The following LHCGR variants were observed in gnomAD, a reference collection of about 807,000 sequenced individuals.
LHCGR encodes the protein lutropin-choriogonadotropic hormone receptor.
A neutral mutation model predicts 60.7 loss-of-function variants in LHCGR; 55 were observed. The ratio of observed to expected loss-of-function variants is 0.91; its 90% CI spans 0.73 to 1.13. The LOEUF (loss-of-function observed/expected upper bound fraction) is 1.13. Among genes scored for constraint, LHCGR ranks in the 50% most tolerant of loss-of-function variants. The pLI, the probability that LHCGR is intolerant of heterozygous loss-of-function variation, is 0.00. For synonymous variants in LHCGR, 337 were observed against 316.5 expected, an observed-to-expected ratio of 1.06 and a Z score of -0.69; for missense variants, 862 against 836.0, an observed-to-expected ratio of 1.03 and a Z score of -0.38.
intron 1 of LHCGR, among the ~76,000 whole-genome samples, chr2:48,743,122 A>G (rs1331027169): frequency 6.6e-6 from 1 of 152,240 alleles, no homozygotes; most frequent in Non-Finnish European, 1.5e-5. Context: ...TGACACATAC[A>G]CTTTTCCAAG....
intron 1 of LHCGR, chr2:48,733,157 C>A: frequency 2.9e-6 from 1 of 350,244 alleles, no homozygotes; most frequent in South Asian, 2.3e-5. Flanking sequence ...AATTCTGATT[C>A]CAGAATCTTT....
chr2:48,718,249 G>T (rs569106414), intron 6 of LHCGR, among the ~76,000 whole-genome samples: 1 of 152,068 alleles, frequency 6.6e-6, no homozygotes, highest in African/African-American at 2.4e-5. Context: ...GCATTGTCTA[G>T]GTTCTCTACT....
At chr2:48,718,700 T>C (rs995508176) in intron 6 of LHCGR, among the ~76,000 whole-genome samples, 1 of 152,242 alleles carries the variant, frequency 6.6e-6, no homozygotes, top group African/African-American at 2.4e-5. Flanking sequence ...ATGTGGAACT[T>C]TGCTGAAGTC....
At chr2:48,715,024 T>C (rs1289709658) in intron 6 of LHCGR, among the ~76,000 whole-genome samples, 3 of 152,146 alleles carry the variant, frequency 2.0e-5, no homozygotes, top group Non-Finnish European at 4.4e-5. Context: ...TCCACTGATA[T>C]CCTCATGGGC....
chr2:48,745,275 G>T (rs1203402007), intron 1 of LHCGR, among the ~76,000 whole-genome samples: 1 of 152,222 alleles, frequency 6.6e-6, no homozygotes, highest in Non-Finnish European at 1.5e-5. Context: ...AACCATTGTG[G>T]AAGTCAGTGT....
chr2:48,703,571 G>C (rs1217386038), intron 8 of LHCGR, among the ~76,000 whole-genome samples: 1 of 152,082 alleles, frequency 6.6e-6, no homozygotes, highest in African/African-American at 2.4e-5. Flanking sequence ...GTTGAGCAGT[G>C]GTTTGTAGTT....
intron 1 of LHCGR, among the ~76,000 whole-genome samples, chr2:48,751,610 C>T (rs1669958926): frequency 6.6e-6 from 1 of 152,150 alleles, no homozygotes; most frequent in South Asian, 2.1e-4. Flanking sequence ...CTCAAAGACA[C>T]TACGGCACTG....
intron 8 of LHCGR, among the ~76,000 whole-genome samples, chr2:48,701,503 A>G (rs55850546): frequency 0.097 from 14,702 of 152,102 alleles, 874 homozygotes; most frequent in East Asian, 0.23. Context: ...CCTGCAGATA[A>G]TCACGTAACT....
intron 1 of LHCGR, among the ~76,000 whole-genome samples, chr2:48,753,047 C>T (rs956837721): frequency 3.7e-5 from 5 of 135,594 alleles, no homozygotes; most frequent in African/African-American, 1.1e-4. Flanking sequence ...ACTTTTTCCT[C>T]TCTAAGATGA....
At chr2:48,694,128 C>G in intron 10 of LHCGR, 96 bp downstream of exon 10, 1 of 849,554 alleles carries the variant, frequency 1.2e-6, no homozygotes, top group Non-Finnish European at 2.0e-6. Context: ...AGCTCCGTAA[C>G]CAAGACTTGT....
At chr2:48,731,344 G>A in intron 1 of LHCGR, 46 bp from the exon 2 acceptor site, 2 of 1,383,502 alleles carry the variant, frequency 1.4e-6, no homozygotes, top group Non-Finnish European at 1.0e-6. Flanking sequence ...TTTATGATAG[G>A]GTGCCTTTTA....
intron 1 of LHCGR, among the ~76,000 whole-genome samples, chr2:48,741,984 T>G (rs975635128): frequency 1.3e-5 from 2 of 151,878 alleles, no homozygotes; most frequent in African/African-American, 4.8e-5. Context: ...TCAAAATAAA[T>G]GGATGGAGGA....
chr2:48,696,475 A>G (rs1398832100), intron 9 of LHCGR, among the ~76,000 whole-genome samples: 1 of 152,204 alleles, frequency 6.6e-6, no homozygotes, highest in Non-Finnish European at 1.5e-5. Flanking sequence ...ATATTGTAAT[A>G]GCAATTTGTA....
At position 48,687,567 on chromosome 2, in the gene LHCGR, G is replaced by C. The variant is rs1301408714; in HGVS notation, c.*130C>G. Reference sequence around the variant, plus strand: ...AGACTACACTTTCTACTAGGTAGAGGTCTCTTGCCTAATGTACCTAAAAAT... The same window carrying C: ...AGACTACACTTTCTACTAGGTAGAGCTCTCTTGCCTAATGTACCTAAAAAT... On this transcript the variant is annotated 3_prime_UTR_variant, in exon 11 of 11. Coordinates refer to ENST00000294954, the MANE Select transcript of LHCGR (RefSeq NM_000233.4). The C allele has an allele frequency of 1.4e-6, 1 of 720,500 alleles. No individual in the cohort carries two copies. Among genetic ancestry groups the C allele is most frequent in the East Asian group, 2.7e-5 (1 of 37,492 alleles). The allele number at this position is 720,500 out of a possible 1,614,324, so 44.6% of individuals were successfully genotyped here.
intron 8 of LHCGR, among the ~76,000 whole-genome samples, chr2:48,699,077 G>T (rs1466521393): frequency 6.6e-6 from 1 of 152,050 alleles, no homozygotes; most frequent in African/African-American, 2.4e-5. Context: ...GCCCACCTCG[G>T]CCCCTCAAAG....
At position 48,709,075 on chromosome 2, in the gene LHCGR, T is replaced by C. The variant is rs886136303; in HGVS notation, c.606-53A>G. On this transcript the variant is annotated intron_variant, in intron 7 of 10. Transcript: ENST00000294954. ...GAGTTTGTACCTCATGTGTAAGCAT[T>C]CGTAGCTCCATATACACATGTTTAG... 2.9e-6 allele frequency: 4 copies of C among 1,388,708 alleles called. No homozygotes were observed. The African/African-American group carries it at 5.7e-5, about 20-fold the overall frequency. 86.0% of individuals were successfully genotyped at this position (1,388,708 alleles called of 1,614,324 possible).
intron 1 of LHCGR, among the ~76,000 whole-genome samples, chr2:48,745,420 A>C (rs1367619744): frequency 6.6e-6 from 1 of 152,142 alleles, no homozygotes; most frequent in African/African-American, 2.4e-5. Context: ...GGCATTATTC[A>C]CAATAGCAAA....
rs1251186322 is a variant in LHCGR at position 48,694,291 on chromosome 2, G to C, written c.880C>G (p.His294Asp). The C allele has an allele frequency of 1.9e-6, 3 of 1,597,918 alleles. No homozygotes were observed. Among genetic ancestry groups the C allele is most frequent in the Non-Finnish European group, 2.6e-6 (3 of 1,167,774 alleles). The change falls in exon 10 of 11, where the codon CAT (histidine) becomes GAT (aspartate). Residue 294 changes from histidine (H) to aspartate (D), a missense_variant. By Grantham distance (81) the His-to-Asp change is moderately conservative (BLOSUM62 -1). Coordinates refer to ENST00000294954, the MANE Select transcript of LHCGR (RefSeq NM_000233.4). ...NLPTKEQNFS[H>D]SISENFSKQC... ...TTGGAAAAGTTTTCAGAAATGGAAT[G>C]TGAAAAATTCTGTCTGAAAGAGAAG... is the stretch of plus-strand genomic sequence containing the variant.
chr2:48,694,627 G>A (rs1667028123), intron 9 of LHCGR, among the ~76,000 whole-genome samples: 1 of 152,044 alleles, frequency 6.6e-6, no homozygotes, highest in Non-Finnish European at 1.5e-5. Flanking sequence ...ATATATTAAG[G>A]TTTGCTCCTT....
Sources: allele counts gnomAD v4.1 joint callset (sites outside exome capture counted in the v4.1 genomes callset), GRCh38; gene constraint gnomAD v4.1.1; transcripts MANE v1.5; gene names NCBI Gene and HGNC (gene_info 2026-07-23, HGNC 2026-07-21).